Variants in OBI1 observed in about 807,000 individuals in gnomAD.
The protein encoded by OBI1 is ORC ubiquitin ligase 1.
In OBI1, 59 loss-of-function variants were observed where a neutral mutation model predicts 62.4. The ratio of observed to expected loss-of-function variants is 0.95; its 90% CI spans 0.77 to 1.17. The LOEUF is 1.17. Ranked by LOEUF, OBI1 falls within the 50% of genes most tolerant of loss-of-function variation. The pLI is 0.00. For missense variants in OBI1, 875 were observed against 830.9 expected (o/e 1.05, Z -0.65); for synonymous variants, 302 against 292.8 (o/e 1.03, Z -0.32).
chr13:78,616,217 CG>C lies in OBI1; in HGVS notation c.1543del (p.Arg515AlafsTer5). The C allele has an allele frequency of 6.2e-7, 1 of 1,613,950 alleles. No homozygotes were observed. The highest frequency in any genetic ancestry group is 8.5e-7 in the Non-Finnish European group (1 of 1,179,948). ...LCLSKRLNSI[R>X]SFEMNRTRTS... is the part of the protein sequence containing the mutation. ...TCTTGTCCGGTTCATTTCAAAAGAG[CG>C]AATAGAATTCAACCTTTTGGATAAA... On this transcript the variant is annotated frameshift_variant, in exon 6 of 6. Coordinates refer to ENST00000282003, the MANE Select transcript of OBI1 (RefSeq NM_024546.4). LOFTEE classifies it high-confidence loss of function.
chr13:78,651,847 A>G (rs1227390546), intron 1 of OBI1, among the ~76,000 whole-genome samples: 1 of 152,196 alleles, frequency 6.6e-6, no homozygotes, highest in African/African-American at 2.4e-5. Context: ...TCTCATCTCT[A>G]ACAACTGCAA....
chr13:78,617,058 G>A lies in OBI1; in HGVS notation c.703C>T (p.Arg235Cys), dbSNP rs772846325. 11 of 1,611,578 alleles carry A rather than the reference G, an allele frequency of 6.8e-6. No homozygotes were observed. The highest frequency in any genetic ancestry group is 2.7e-5 in the African/African-American group (2 of 74,740). The change falls in exon 6 of 6, where the codon CGC becomes TGC. Residue 235 changes from arginine (R) to cysteine (C), a missense_variant. Physicochemically the swap from Arg to Cys is radical, Grantham distance 180. Coordinates refer to ENST00000282003, the MANE Select transcript of OBI1 (RefSeq NM_024546.4). Reference protein sequence around the residue: ...KVEQYERETNRLKKALERSDK... With the variant: ...KVEQYERETNCLKKALERSDK... The stretch of plus-strand genomic sequence containing the variant: ...CTTCGTTCCAGGGCTTTCTTGAGGC[G>A]ATTGGTTTCACGCTCATACTGTTCT...
intron 5 of OBI1, among the ~76,000 whole-genome samples, chr13:78,618,142 T>C (rs963479456): frequency 1.3e-5 from 2 of 152,144 alleles, no homozygotes; most frequent in South Asian, 2.1e-4. Context: ...AGGAAACTTA[T>C]GAGCCAATAA....
At chr13:78,642,815 A>G (rs1449584985) in intron 2 of OBI1, among the ~76,000 whole-genome samples, 1 of 152,028 alleles carries the variant, frequency 6.6e-6, no homozygotes, top group Non-Finnish European at 1.5e-5. Context: ...TGAACCCGGG[A>G]GGCGGAGCTT....
rs1360975186 is a variant in OBI1, at chr13:78,634,368, C to T, written c.638+742G>A. On this transcript the variant is annotated intron_variant, in intron 5 of 5. Coordinates refer to ENST00000282003, the MANE Select transcript of OBI1 (RefSeq NM_024546.4). ...GGAGTGCAGTGGCATGATCTCGGCCCAATGCAACCTCTGCCTCCCGGACTC... is the reference window on the plus strand; with the variant it reads ...GGAGTGCAGTGGCATGATCTCGGCCTAATGCAACCTCTGCCTCCCGGACTC... Among the ~76,000 whole-genome samples, 3 of 151,966 alleles carry T rather than the reference C, an allele frequency of 2.0e-5. No homozygotes were observed. The East Asian group carries it at 5.9e-4, about 30-fold the overall frequency.
intron 5 of OBI1, among the ~76,000 whole-genome samples, chr13:78,628,556 G>A (rs554847859): frequency 1.2e-4 from 18 of 152,336 alleles, no homozygotes; most frequent in African/African-American, 4.1e-4. Flanking sequence ...AGTAGAACTG[G>A]AGTAGGATGA....
Position 78,615,917 on chromosome 13 carries a change from A to G in OBI1, c.1844T>C (p.Leu615Pro). ...SEWKPTSFFL[L>P]SPSDQEMNED... is the part of the protein sequence containing the mutation. ...ATTCATTTCTTGGTCAGATGGAGAG[A>G]GGAGAAAAAAAGAAGTGGGTTTCCA... The change falls in exon 6 of 6, where the codon CTC (leucine) becomes CCC (proline). Residue 615 changes from leucine to proline, a missense_variant. Transcript: ENST00000282003. 6 of 1,613,936 alleles carry G rather than the reference A, an allele frequency of 3.7e-6. No homozygotes were observed. Among genetic ancestry groups the G allele is most frequent in the Non-Finnish European group, 4.2e-6 (5 of 1,179,974 alleles).
chr13:78,636,077 T>C (rs902703627), intron 4 of OBI1, among the ~76,000 whole-genome samples: 1 of 152,148 alleles, frequency 6.6e-6, no homozygotes, highest in African/African-American at 2.4e-5. Flanking sequence ...CAGTATTTTC[T>C]AATAAATTCT....
chr13:78,627,429 G>A (rs569902166), intron 5 of OBI1, among the ~76,000 whole-genome samples: 1 of 136,370 alleles, frequency 7.3e-6, no homozygotes, highest in Admixed American at 6.7e-5. Context: ...CCTCCCCTCA[G>A]CCCCCACCCC....
chr13:78,627,939 T>C (rs186179887), intron 5 of OBI1, among the ~76,000 whole-genome samples: 1 of 152,292 alleles, frequency 6.6e-6, no homozygotes, highest in African/African-American at 2.4e-5. Context: ...ATTTATCAGG[T>C]ATCTTCAGAT....
chr13:78,642,820 G>A (rs529434818), intron 2 of OBI1, among the ~76,000 whole-genome samples: 41 of 152,242 alleles, frequency 2.7e-4, no homozygotes, highest in African/African-American at 5.8e-4. Context: ...CCGGGAGGCG[G>A]AGCTTGCAGT....
chr13:78,628,477 T>C (rs940689513), intron 5 of OBI1, among the ~76,000 whole-genome samples: 3 of 152,148 alleles, frequency 2.0e-5, no homozygotes, highest in Non-Finnish European at 4.4e-5. Flanking sequence ...GAGACAGCCA[T>C]GTAAAGATCT....
intron 1 of OBI1, among the ~76,000 whole-genome samples, chr13:78,645,315 A>G (rs1174750112): frequency 6.6e-6 from 1 of 152,220 alleles, no homozygotes; most frequent in Non-Finnish European, 1.5e-5. Flanking sequence ...AATTTTGCTC[A>G]AACTCTTCTA....
intron 2 of OBI1, among the ~76,000 whole-genome samples, chr13:78,642,969 ATGGACTG>A: frequency 6.6e-6 from 1 of 152,356 alleles, no homozygotes; most frequent in South Asian, 2.1e-4. Context: ...GCTAGTTACA[ATGGACTG>A]TAAGTCATGG....
At chr13:78,623,162 T>C (rs1236721990) in intron 5 of OBI1, among the ~76,000 whole-genome samples, 2 of 151,956 alleles carry the variant, frequency 1.3e-5, no homozygotes, top group African/African-American at 4.8e-5. Flanking sequence ...ACAAAATTGC[T>C]ACATTCCTAG....
intron 1 of OBI1, among the ~76,000 whole-genome samples, chr13:78,645,593 T>C (rs937199864): frequency 2.0e-5 from 3 of 152,188 alleles, no homozygotes; most frequent in Middle Eastern, 3.2e-3. Flanking sequence ...ATACACCAAA[T>C]ACACAAATCT....
At chr13:78,643,392 G>C (rs570376569) in intron 2 of OBI1, among the ~76,000 whole-genome samples, 4 of 152,116 alleles carry the variant, frequency 2.6e-5, no homozygotes, top group African/African-American at 9.7e-5. Context: ...CTTCACCCAG[G>C]TACCAAGAGC....
Position 78,616,781 on chromosome 13 carries a change from C to G in OBI1, c.980G>C (p.Arg327Thr). ...GTCTGCTTTGCTGGTACTTTCCTGC[C>G]TTGCAGAACTGGTGTCACACAGTCT... ...SSRLCDTSSA[R>T]QESTSKADLN... The change falls in exon 6 of 6, where the codon AGG becomes ACG. Residue 327 changes from arginine to threonine, a missense_variant. Coordinates refer to ENST00000282003, the MANE Select transcript of OBI1 (RefSeq NM_024546.4). 1 of 1,614,152 alleles carries G rather than the reference C, an allele frequency of 6.2e-7. No homozygotes were observed. The highest frequency in any genetic ancestry group is 8.5e-7 in the Non-Finnish European group (1 of 1,180,024).
At chr13:78,650,870 C>T (rs1426020012) in intron 1 of OBI1, among the ~76,000 whole-genome samples, 1 of 152,124 alleles carries the variant, frequency 6.6e-6, no homozygotes, top group African/African-American at 2.4e-5. Flanking sequence ...CCTGCACACC[C>T]TCCCACCTAA....
Sources: allele counts gnomAD v4.1 joint callset (sites outside exome capture counted in the v4.1 genomes callset), GRCh38; gene constraint gnomAD v4.1.1; transcripts MANE v1.5; gene names NCBI Gene and HGNC (gene_info 2026-07-23, HGNC 2026-07-21).